Variants in INO80D observed in about 807,000 individuals in gnomAD.
The protein encoded by INO80D is INO80 complex subunit D.
A neutral mutation model predicts 87.6 loss-of-function variants in INO80D; 21 were observed. The observed-to-expected ratio is 0.24, with a 90% CI of 0.17 to 0.35. The LOEUF is 0.35. Ranked by LOEUF, INO80D falls within the 10% of genes least tolerant of loss-of-function variation. The probability of loss-of-function intolerance (pLI) is 1.00; values close to 1 mark genes in which losing one functional copy is unlikely to be tolerated. For missense variants in INO80D, 982 were observed against 1,280.7 expected, an observed-to-expected ratio of 0.77 and a Z score of 3.56; for synonymous variants, 440 against 491.0, an observed-to-expected ratio of 0.90 and a Z score of 1.37.
chr2:206,065,460 C>T (rs531205090), intron 1 of INO80D, among the ~76,000 whole-genome samples: 1 of 152,026 alleles, frequency 6.6e-6, no homozygotes, highest in African/African-American at 2.4e-5. Context: ...CAGAGTGAGA[C>T]TCTGTCTCAA....
rs778037694 is a variant in INO80D at position 205,993,864 on chromosome 2, C to T, written c.*10504G>A. 1 of 152,154 alleles carries T rather than the reference C, an allele frequency of 6.6e-6. No homozygotes were observed. The highest frequency in any genetic ancestry group is 1.5e-5 in the Non-Finnish European group (1 of 68,012). 9.4% of individuals were successfully genotyped at this position (152,154 alleles called of 1,614,324 possible). A position where few individuals can be genotyped will look rare whatever the true frequency, so the allele number is the denominator to read the frequency against. On this transcript the variant is annotated 3_prime_UTR_variant, in exon 11 of 11. Transcript: ENST00000403263. ...AGAAAAATATACATAAAAATGTAAA[C>T]TTTTGTATACAAAAACCCTTAAACA... is the stretch of plus-strand genomic sequence containing the variant.
rs1037677431 is a variant in INO80D, at chr2:205,999,850, G to A, written c.*4518C>T. On this transcript the variant is annotated 3_prime_UTR_variant, in exon 11 of 11. Coordinates refer to ENST00000403263, the MANE Select transcript of INO80D (RefSeq NM_017759.5). ...GGTTTCCTCCAGAATATAGGAAAAT[G>A]TATAAAGATGTTAAGACATTATTAA... 9.9e-5 allele frequency: 15 copies of A among 152,230 alleles called. No homozygotes were observed. The highest frequency in any genetic ancestry group is 3.6e-4 in the African/African-American group (15 of 41,544). 9.4% of individuals were successfully genotyped at this position (152,230 alleles called of 1,614,324 possible).
At chr2:206,081,209 C>T (rs1690273747) in intron 1 of INO80D, among the ~76,000 whole-genome samples, 1 of 152,154 alleles carries the variant, frequency 6.6e-6, no homozygotes, top group African/African-American at 2.4e-5. Flanking sequence ...TTAACCAATA[C>T]AAAACGACAC....
rs1339066575 is a variant in INO80D at position 206,005,511 on chromosome 2, T to C, written c.1941A>G (p.Pro647=). The change falls in exon 11 of 11, where the codon CCA becomes CCG. Residue 647 remains proline, a synonymous_variant. Coordinates refer to ENST00000403263, the MANE Select transcript of INO80D (RefSeq NM_017759.5). The part of the protein sequence containing the change: ...FFEGKNGDLL[P]TTEEAEELER... Reference sequence around the variant, plus strand: ...CAAGCTCCTCAGCCTCTTCGGTAGTTGGGAGGAGGTCTCCATTCTTCCCTG... The same window carrying C: ...CAAGCTCCTCAGCCTCTTCGGTAGTCGGGAGGAGGTCTCCATTCTTCCCTG... The C allele has an allele frequency of 1.9e-6, 3 of 1,612,320 alleles. No homozygotes were observed.
At chr2:206,031,826 C>A (rs1364421179) in intron 5 of INO80D, among the ~76,000 whole-genome samples, 1 of 152,202 alleles carries the variant, frequency 6.6e-6, no homozygotes, top group Non-Finnish European at 1.5e-5. Flanking sequence ...AAGTGGACTG[C>A]TCCTGCAGGA....
intron 4 of INO80D, among the ~76,000 whole-genome samples, chr2:206,054,810 G>A (rs1251113979): frequency 2.0e-5 from 3 of 152,020 alleles, no homozygotes; most frequent in South Asian, 2.1e-4. Flanking sequence ...TACCACACCC[G>A]GCCTATTTTT....
intron 8 of INO80D, among the ~76,000 whole-genome samples, chr2:206,014,300 T>G (rs1420392944): frequency 6.6e-6 from 1 of 152,176 alleles, no homozygotes; most frequent in African/African-American, 2.4e-5. Flanking sequence ...AAAAGAAACC[T>G]AAAAAATAAA....
Position 206,017,713 on chromosome 2 carries a change from C to T in INO80D, c.1509G>A (p.Gln503=). 1 of 1,609,340 alleles carries T rather than the reference C, an allele frequency of 6.2e-7. No individual in the cohort carries two copies. The highest frequency in any genetic ancestry group is 8.5e-7 in the Non-Finnish European group (1 of 1,178,356). ...CSVPVFDITH[Q]TPLCEEHAKK... is the part of the protein sequence containing the mutation. ...TGGCATGTTCTTCACACAGAGGTGT[C>T]TGATGTGTAATGTCAAAAACTGGCA... The change falls in exon 8 of 11, where the codon CAG becomes CAA. Residue 503 remains glutamine (Q), a synonymous_variant. Coordinates refer to ENST00000403263, the MANE Select transcript of INO80D (RefSeq NM_017759.5).
chr2:206,070,522 C>A (rs1381243881), intron 1 of INO80D, among the ~76,000 whole-genome samples: 1 of 151,944 alleles, frequency 6.6e-6, no homozygotes, highest in Non-Finnish European at 1.5e-5. Context: ...AGATAGAGAC[C>A]ATCCTGACTA....
In INO80D at chr2:206,085,313, T is replaced by A. The variant is rs886279299; in HGVS notation, c.-124+588A>T. Among the ~76,000 whole-genome samples the A allele has an allele frequency of 7.4e-5, 11 of 149,476 alleles. No homozygotes were observed. Among genetic ancestry groups the A allele is most frequent in the African/African-American group, 2.7e-4 (11 of 40,444 alleles). ...GAGGAGGGGGATAAATAAATTCAAC[T>A]CTTACCGGAATCTGGGGGCCGTCTG... On this transcript the variant is annotated intron_variant, in intron 1 of 10. Transcript: ENST00000403263. The surrounding 1 kb of genome is among the most constrained non-coding windows in gnomAD (Gnocchi z 4.5).
chr2:206,065,161 G>A (rs1689780622), intron 1 of INO80D, among the ~76,000 whole-genome samples: 1 of 152,142 alleles, frequency 6.6e-6, no homozygotes, highest in African/African-American at 2.4e-5. Context: ...TGGGGAAAGG[G>A]TTTATGAGTT....
At chr2:206,031,679 T>A (rs963628592) in intron 5 of INO80D, among the ~76,000 whole-genome samples, 3 of 152,168 alleles carry the variant, frequency 2.0e-5, no homozygotes, top group African/African-American at 7.2e-5. Context: ...TCATGGCCGA[T>A]GAGAGGCAGG....
chr2:206,016,467 G>A (rs1202974485), intron 8 of INO80D, among the ~76,000 whole-genome samples: 1 of 152,210 alleles, frequency 6.6e-6, no homozygotes, highest in Non-Finnish European at 1.5e-5. Flanking sequence ...TGTCTCAGAT[G>A]AGACTTTGGA....
rs568982077 is a variant in INO80D at position 205,996,876 on chromosome 2, C to G, written c.*7492G>C. 2.6e-5 allele frequency: 4 copies of G among 152,012 alleles called. No homozygotes were observed. In the East Asian group the frequency reaches 7.7e-4, roughly 29 times the overall value. The allele number at this position is 152,012 out of a possible 1,614,324, so 9.4% of individuals were successfully genotyped here. On this transcript the variant is annotated 3_prime_UTR_variant, in exon 11 of 11. Coordinates refer to ENST00000403263, the MANE Select transcript of INO80D (RefSeq NM_017759.5). ...AAATGGCACCAGTACAAACTCCCTT[C>G]TTTCATTTGCATGCATATGTACAAG... is the stretch of plus-strand genomic sequence containing the variant.
intron 5 of INO80D, among the ~76,000 whole-genome samples, chr2:206,046,115 T>A (rs1026913917): frequency 2.0e-5 from 3 of 152,244 alleles, no homozygotes; most frequent in African/African-American, 4.8e-5. Context: ...AAGTGGAATC[T>A]ATTTTACCAC....
chr2:206,021,305 G>A (rs577302735), intron 6 of INO80D, among the ~76,000 whole-genome samples: 54 of 152,192 alleles, frequency 3.5e-4, no homozygotes, highest in Admixed American at 2.7e-3. Flanking sequence ...TACTTCTACC[G>A]TAGTTATTAA....
At position 206,001,953 on chromosome 2, in the gene INO80D, A is replaced by C. The variant is rs927126704; in HGVS notation, c.*2415T>G. On this transcript the variant is annotated 3_prime_UTR_variant, in exon 11 of 11. Transcript: ENST00000403263. ...AAATGCACATAAAACAGAAAATTGCAAACAATAAAATGTGCAACTTACTGC... is the reference window on the plus strand; with the variant it reads ...AAATGCACATAAAACAGAAAATTGCCAACAATAAAATGTGCAACTTACTGC... 6.6e-6 allele frequency: 1 copy of C among 152,238 alleles called. No homozygotes were observed. The highest frequency in any genetic ancestry group is 1.9e-4 in the East Asian group (1 of 5,200). The allele number at this position is 152,238 out of a possible 1,614,324, so 9.4% of individuals were successfully genotyped here. A position where few individuals can be genotyped will look rare whatever the true frequency, so the allele number is the denominator to read the frequency against.
At chr2:206,066,133 G>A (rs1040309002) in intron 1 of INO80D, among the ~76,000 whole-genome samples, 1 of 152,058 alleles carries the variant, frequency 6.6e-6, no homozygotes, top group African/African-American at 2.4e-5. Flanking sequence ...GTTGGCATGC[G>A]CCTGTAGTCT....
intron 4 of INO80D, among the ~76,000 whole-genome samples, chr2:206,048,700 C>T (rs952892615): frequency 3.3e-5 from 5 of 152,096 alleles, no homozygotes; most frequent in African/African-American, 1.2e-4. Flanking sequence ...TAGAGACCAG[C>T]CTGGGTAACA....
Sources: allele counts gnomAD v4.1 joint callset (sites outside exome capture counted in the v4.1 genomes callset), GRCh38; gene constraint gnomAD v4.1.1; non-coding constraint Gnocchi (gnomAD v3.1); transcripts MANE v1.5; gene names NCBI Gene and HGNC (gene_info 2026-07-23, HGNC 2026-07-21).